Variants in PHF24 observed in about 807,000 individuals in gnomAD.
PHF24 encodes the protein Galpha inhibitory interacting protein.
Under a neutral mutation model 42.6 loss-of-function variants are expected in PHF24, and 25 were observed. The observed-to-expected ratio is 0.59, with a 90% CI of 0.43 to 0.82. The LOEUF is 0.82. Ranked by LOEUF, PHF24 falls within the 40% of genes least tolerant of loss-of-function variation. PHF24 has a pLI of 0.00. For missense variants in PHF24, 470 were observed against 538.1 expected, an observed-to-expected ratio of 0.87 and a Z score of 1.25; for synonymous variants, 185 against 204.8, an observed-to-expected ratio of 0.90 and a Z score of 0.83.
At chr9:34,780,565 G>A in the PHF24 span, among the ~76,000 whole-genome samples, 435 of 152,148 alleles carry the variant, frequency 2.9e-3, 2 homozygotes, top group African/African-American at 8.6e-3. Context: ...GATTATAAGC[G>A]TGAGCCACTG....
the PHF24 span, among the ~76,000 whole-genome samples, chr9:34,925,120 G>A: frequency 6.6e-6 from 1 of 152,172 alleles, no homozygotes; most frequent in East Asian, 1.9e-4. Flanking sequence ...TAGCTTTGCT[G>A]GCTATAATAT....
chr9:34,907,749 G>GT, the PHF24 span, among the ~76,000 whole-genome samples: 1 of 151,652 alleles, frequency 6.6e-6, no homozygotes, highest in Non-Finnish European at 1.5e-5. Flanking sequence ...TCTTTGTTTA[G>GT]TTTTTTTTCC....
At chr9:34,860,034 T>G in the PHF24 span, among the ~76,000 whole-genome samples, 1 of 152,222 alleles carries the variant, frequency 6.6e-6, no homozygotes, top group Non-Finnish European at 1.5e-5. Context: ...TACTCTGCCC[T>G]GCAAATTCTA....
At chr9:34,959,830 T>C (rs1466830145) in intron 1 of PHF24, among the ~76,000 whole-genome samples, 1 of 152,174 alleles carries the variant, frequency 6.6e-6, no homozygotes, top group Non-Finnish European at 1.5e-5. Flanking sequence ...CCCTACCTGC[T>C]ACCGAATACT....
the PHF24 span, among the ~76,000 whole-genome samples, chr9:34,933,004 T>C: frequency 0.099 from 9,634 of 97,632 alleles, 441 homozygotes; most frequent in South Asian, 0.14. Flanking sequence ...TTTTTTTTTT[T>C]CAAAGAGACA....
chr9:34,687,180 A>G, the PHF24 span, among the ~76,000 whole-genome samples: 1 of 152,182 alleles, frequency 6.6e-6, no homozygotes, highest in Non-Finnish European at 1.5e-5. Flanking sequence ...GATTTCCTCC[A>G]AGTTCTTCAT....
the PHF24 span, chr9:34,709,575 G>A: frequency 6.2e-7 from 1 of 1,614,196 alleles, no homozygotes; most frequent in South Asian, 1.1e-5. Flanking sequence ...GCCCTGGGCT[G>A]GTTTCTGTGG....
chr9:34,731,623 C>T, the PHF24 span, among the ~76,000 whole-genome samples: 3 of 152,294 alleles, frequency 2.0e-5, no homozygotes, highest in African/African-American at 4.8e-5. Context: ...TTGCAAATGA[C>T]GGGACCTCAT....
At chr9:34,834,792 G>T in the PHF24 span, 1 of 1,542,696 alleles carries the variant, frequency 6.5e-7, no homozygotes. Flanking sequence ...GCTCGTTGAT[G>T]GTCAGATGGA....
At chr9:34,868,924 C>G in the PHF24 span, among the ~76,000 whole-genome samples, 1 of 152,152 alleles carries the variant, frequency 6.6e-6, no homozygotes, top group Admixed American at 6.5e-5. Context: ...CCCTGCATGA[C>G]AGGCCCCAGT....
At chr9:34,852,544 A>G in the PHF24 span, among the ~76,000 whole-genome samples, 1 of 152,242 alleles carries the variant, frequency 6.6e-6, no homozygotes, top group South Asian at 2.1e-4. Flanking sequence ...TTTGCTGAGC[A>G]AAGTATAGTT....
chr9:34,903,829 G>A, the PHF24 span, among the ~76,000 whole-genome samples: 2 of 152,224 alleles, frequency 1.3e-5, no homozygotes, highest in African/African-American at 2.4e-5. Context: ...GTTTCCATTT[G>A]TTTGTGTCAT....
the PHF24 span, among the ~76,000 whole-genome samples, chr9:34,896,131 A>AT: frequency 6.6e-6 from 1 of 152,164 alleles, no homozygotes; most frequent in Non-Finnish European, 1.5e-5. Flanking sequence ...TGCACACTAC[A>AT]TGCCCTATAA....
upstream of PHF24, chr9:34,957,815 G>C (rs1470230256): frequency 6.6e-6 from 1 of 152,024 alleles, no homozygotes; most frequent in Non-Finnish European, 1.5e-5. Context: ...GCATCCACCC[G>C]GACCCCGCCT....
chr9:34,863,116 G>A, the PHF24 span, among the ~76,000 whole-genome samples: 1 of 152,028 alleles, frequency 6.6e-6, no homozygotes, highest in Admixed American at 6.5e-5. Flanking sequence ...GTAGAATAGA[G>A]CACCAGGTAG....
chr9:34,964,862 G>T (rs1563928092), intron 1 of PHF24, among the ~76,000 whole-genome samples: 1 of 152,046 alleles, frequency 6.6e-6, no homozygotes, highest in Admixed American at 6.6e-5. Context: ...TCTCCCCTGA[G>T]TTTTTTTCCA....
chr9:34,975,776 C>T (rs1827163532), intron 3 of PHF24, among the ~76,000 whole-genome samples: 1 of 151,802 alleles, frequency 6.6e-6, no homozygotes. Context: ...GGAGATGGAG[C>T]CGCTCTGCTT....
At chr9:34,690,976 C>A in the PHF24 span, 3 of 879,152 alleles carry the variant, frequency 3.4e-6, no homozygotes, top group Non-Finnish European at 5.3e-6. Context: ...CAGACCTAAG[C>A]ATTTGCCTGA....
At chr9:34,918,431 G>C in the PHF24 span, 1 of 528,406 alleles carries the variant, frequency 1.9e-6, no homozygotes, top group Non-Finnish European at 3.4e-6. Context: ...AAATCATGGG[G>C]AATTTTTCCT....
Sources: allele counts gnomAD v4.1 joint callset (sites outside exome capture counted in the v4.1 genomes callset), GRCh38; gene constraint gnomAD v4.1.1; transcripts MANE v1.5; gene names NCBI Gene and HGNC (gene_info 2026-07-23, HGNC 2026-07-21).